SSC5D: variants seen among roughly 807,000 people sequenced by gnomAD.
The protein encoded by SSC5D is scavenger receptor cysteine rich family member with 5 domains.
A neutral mutation model predicts 104.6 loss-of-function variants in SSC5D; 106 were observed. The observed-to-expected ratio is 1.01, with a 90% confidence interval of 0.87 to 1.19. The LOEUF (loss-of-function observed/expected upper bound fraction) is 1.19. Ranked by LOEUF, SSC5D falls within the 50% of genes most tolerant of loss-of-function variation. The pLI is 0.00. For missense variants in SSC5D, 1,993 were observed against 2,153.8 expected (o/e 0.93, Z 1.48); for synonymous variants, 860 against 883.5 (o/e 0.97, Z 0.47).
intron 8 of SSC5D, among the ~76,000 whole-genome samples, chr19:55,497,540 T>C (rs2123439443): frequency 6.6e-6 from 1 of 152,348 alleles, no homozygotes; most frequent in Middle Eastern, 3.4e-3. Flanking sequence ...ATGGTGCTGC[T>C]ATGAACATTC....
In SSC5D at chr19:55,518,559, CA is replaced by C; in HGVS notation, c.4284del (p.His1429ThrfsTer31). 1 of 1,548,274 alleles carries C rather than the reference CA, an allele frequency of 6.5e-7. No individual in the cohort carries two copies. The highest frequency in any genetic ancestry group is 8.7e-7 in the Non-Finnish European group (1 of 1,145,364). ...CTAACCCCTCCACCCACCCATACCCCACACTCAGCCTCTGACCTTACTGTGT... is the reference window on the plus strand; with the variant it reads ...CTAACCCCTCCACCCACCCATACCCCCACTCAGCCTCTGACCTTACTGTGT... Reference protein sequence around the residue: ...PNLTPPPTHTPHSASDLTVSP... With the variant: ...PNLTPPPTHTXHSASDLTVSP... On this transcript the variant is annotated frameshift_variant, in exon 14 of 14. Transcript: ENST00000389623. LOFTEE classifies it low-confidence loss of function (END_TRUNC).
rs1987426923 is a variant in SSC5D, at chr19:55,499,908, C to G, written c.1798C>G (p.Leu600Val). 6.4e-7 allele frequency: 1 copy of G among 1,551,656 alleles called. No individual in the cohort carries two copies. Among genetic ancestry groups the G allele is most frequent in the South Asian group, 1.2e-5 (1 of 84,052 alleles). ...TCGGGATGCCTGGCTCCCGGGAGAG[C>G]TGGCCACCAAGCCCTCTGCAAGTGT... Reference protein sequence around the residue: ...RDRDAWLPGELATKPSASVTA... With the variant: ...RDRDAWLPGEVATKPSASVTA... The change falls in exon 10 of 14, where the codon CTG becomes GTG. Residue 600 changes from leucine (L) to valine (V), a missense_variant. By Grantham distance (32) the Leu-to-Val change is conservative. This residue lies in a region of SSC5D where 1,101 missense variants were observed against 1,085.0 expected (regional missense o/e 1.01). Transcript: ENST00000389623.
rs932891920 is a variant in SSC5D, at chr19:55,489,246, T to C, written c.53-108T>C. 3.1e-6 allele frequency: 4 copies of C among 1,280,760 alleles called. No homozygotes were observed. In the African/African-American group the frequency reaches 4.8e-5, roughly 15 times the overall value. 79.3% of individuals were successfully genotyped at this position (1,280,760 alleles called of 1,614,324 possible). A position where few individuals can be genotyped will look rare whatever the true frequency, so the allele number is the denominator to read the frequency against. Reference sequence around the variant, plus strand: ...CCCAGGGGCCAGTGAGCAGGGCCACTGGCCTACAGACAGTACCTGCAGGAC... The same window carrying C: ...CCCAGGGGCCAGTGAGCAGGGCCACCGGCCTACAGACAGTACCTGCAGGAC... On this transcript the variant is annotated intron_variant, in intron 2 of 13. Transcript: ENST00000389623.
chr19:55,495,084 GGTGTGGCT>G (rs1987276647), intron 8 of SSC5D, among the ~76,000 whole-genome samples: 1 of 151,112 alleles, frequency 6.6e-6, no homozygotes, highest in Non-Finnish European at 1.5e-5. Flanking sequence ...CAAGCTGCAC[GGTGTGGCT>G]GTAGGATCCA....
At chr19:55,490,170 G>A (rs577390751) in intron 4 of SSC5D, 128 bp from the exon 5 acceptor site, 136 of 546,402 alleles carry the variant, frequency 2.5e-4, no homozygotes, top group African/African-American at 2.4e-3. Flanking sequence ...CCCCTGCCCC[G>A]CCCCGTCTCC....
intron 12 of SSC5D, among the ~76,000 whole-genome samples, chr19:55,502,439 A>G (rs1219750356): frequency 2.0e-5 from 3 of 149,494 alleles, no homozygotes; most frequent in Admixed American, 6.7e-5. Context: ...CCCTCATTAC[A>G]TCTATTTCTC....
intron 9 of SSC5D, among the ~76,000 whole-genome samples, chr19:55,499,612 G>A (rs1029181088): frequency 2.6e-5 from 4 of 152,190 alleles, no homozygotes; most frequent in Admixed American, 6.5e-5. Flanking sequence ...GGGCAGTGTC[G>A]GGTTTGGCTT....
Position 55,491,001 on chromosome 19 carries a change from G to A in SSC5D, c.816G>A (p.Gln272=), listed in dbSNP as rs1987128313. The A allele has an allele frequency of 6.5e-7, 1 of 1,549,732 alleles. No homozygotes were observed. Among genetic ancestry groups the A allele is most frequent in the Non-Finnish European group, 8.7e-7 (1 of 1,146,554 alleles). The change falls in exon 6 of 14, where the codon CAG becomes CAA. Residue 272 remains glutamine, a synonymous_variant. Coordinates refer to ENST00000389623, the MANE Select transcript of SSC5D (RefSeq NM_001144950.2). The stretch of plus-strand genomic sequence containing the variant: ...ATGTGGGGTGTGGAGGAGGAGAACA[G>A]GCCCTCCGAGACTGCCCCCGAAGCC... ...MDDVGCGGGE[Q]ALRDCPRSPW...
Position 55,518,966 on chromosome 19 carries a change from G to A in SSC5D, c.4690G>A (p.Glu1564Lys), listed in dbSNP as rs866895487. ...MPAPTTTTPE[E>K]EERPLRGDV The stretch of plus-strand genomic sequence containing the variant: ...TGCACCAACCACCACTACCCCAGAG[G>A]AAGAAGAAAGACCCCTGAGGGGAGA... The change falls in exon 14 of 14, where the codon GAA becomes AAA. Residue 1564 changes from glutamate to lysine, a missense_variant. Around this residue, in one of 6 missense-constraint regions of SSC5D, gnomAD observed 349 missense variants for 397.6 expected, o/e 0.88. Transcript: ENST00000389623. 6.5e-7 allele frequency: 1 copy of A among 1,550,262 alleles called. No individual in the cohort carries two copies. The highest frequency in any genetic ancestry group is 2.0e-5 in the Admixed American group (1 of 50,960).
At chr19:55,516,441 G>A (rs1987872411) in intron 13 of SSC5D, among the ~76,000 whole-genome samples, 1 of 151,664 alleles carries the variant, frequency 6.6e-6, no homozygotes, top group Admixed American at 6.6e-5. Context: ...AGCTTGCAGT[G>A]AGCCGAGATC....
At position 55,517,907 on chromosome 19, in the gene SSC5D, C is replaced by T. The variant is rs1007007356; in HGVS notation, c.3631C>T (p.His1211Tyr). The T allele has an allele frequency of 6.5e-7, 1 of 1,541,226 alleles. No individual in the cohort carries two copies. The highest frequency in any genetic ancestry group is 1.2e-5 in the South Asian group (1 of 83,380). Residue 1211 changes from histidine (H) to tyrosine (Y), a missense_variant, in exon 14 of 14, where the codon CAC becomes TAC. Physicochemically the swap from His to Tyr is moderately conservative, Grantham distance 83. Coordinates refer to ENST00000389623, the MANE Select transcript of SSC5D (RefSeq NM_001144950.2). ...CCCTCAACCCTTCACCACCATCACT[C>T]ACTCCACCATGATTCCTGACCCCAC... ...TTPQPFTTITHSTMIPDPTTT... is the reference protein window; with the variant it reads ...TTPQPFTTITYSTMIPDPTTT...
At chr19:55,494,817 T>G in intron 8 of SSC5D, 34 bp downstream of exon 8, 2 of 1,504,604 alleles carry the variant, frequency 1.3e-6, no homozygotes, top group Non-Finnish European at 1.8e-6. Context: ...GAAAACAGGG[T>G]CCTTCCTTCT....
intron 12 of SSC5D, among the ~76,000 whole-genome samples, chr19:55,510,163 A>G (rs1170790338): frequency 6.6e-6 from 1 of 151,918 alleles, no homozygotes; most frequent in Non-Finnish European, 1.5e-5. Context: ...ACACCTGGCT[A>G]ATTTTTGTAA....
chr19:55,499,760 A>C (rs751024587), intron 9 of SSC5D, 56 bp from the exon 10 acceptor site: 9 of 1,393,466 alleles, frequency 6.5e-6, no homozygotes, highest in Non-Finnish European at 8.8e-6. Flanking sequence ...GCCTGGGTAG[A>C]TGATCTTGTC....
At chr19:55,499,159 G>GA (rs905339103) in intron 9 of SSC5D, among the ~76,000 whole-genome samples, 1 of 152,156 alleles carries the variant, frequency 6.6e-6, no homozygotes, top group Non-Finnish European at 1.5e-5. Flanking sequence ...GTGCCCCAGG[G>GA]AAAAAAATCT....
chr19:55,495,548 G>C (rs1255996338), intron 8 of SSC5D, among the ~76,000 whole-genome samples: 1 of 150,566 alleles, frequency 6.6e-6, no homozygotes, highest in Non-Finnish European at 1.5e-5. Flanking sequence ...CATGAGTATT[G>C]AAAGGACTGT....
chr19:55,496,959 C>T (rs753102382), intron 8 of SSC5D, among the ~76,000 whole-genome samples: 11 of 152,166 alleles, frequency 7.2e-5, no homozygotes, highest in Non-Finnish European at 1.5e-5. Flanking sequence ...AGAGTTTCTC[C>T]ACGTTGGCCA....
In SSC5D at chr19:55,490,838, G is replaced by C. The variant is rs548778172; in HGVS notation, c.653G>C (p.Arg218Pro). ...AGRLEVWHGG[R>P]WGTVCDDGWD... is the part of the protein sequence containing the mutation. ...CGCCTGGAGGTCTGGCACGGCGGGCGCTGGGGCACCGTATGTGACGATGGC... is the reference window on the plus strand; with the variant it reads ...CGCCTGGAGGTCTGGCACGGCGGGCCCTGGGGCACCGTATGTGACGATGGC... Residue 218 changes from arginine to proline, a missense_variant, in exon 6 of 14, where the codon CGC becomes CCC. This residue lies in a region of SSC5D where 1,101 missense variants were observed against 1,085.0 expected (regional missense o/e 1.01). Transcript: ENST00000389623. 2 of 1,547,220 alleles carry C rather than the reference G, an allele frequency of 1.3e-6. No homozygotes were observed.
Position 55,518,304 on chromosome 19 carries a change from C to A in SSC5D, c.4028C>A (p.Thr1343Asn). 6.4e-7 allele frequency: 1 copy of A among 1,551,372 alleles called. No individual in the cohort carries two copies. Among genetic ancestry groups the A allele is most frequent in the Non-Finnish European group, 8.7e-7 (1 of 1,146,920 alleles). The change falls in exon 14 of 14, where the codon ACC (threonine) becomes AAC (asparagine). Residue 1343 changes from threonine (T) to asparagine (N), a missense_variant. Thr to Asn is a moderately conservative substitution (Grantham distance 65). Coordinates refer to ENST00000389623, the MANE Select transcript of SSC5D (RefSeq NM_001144950.2). ...GTCATCACTACTGTGTCCCTTCCAA[C>A]CTCCTTGGGGACAGAACTCTCCTCT... Reference protein sequence around the residue: ...TPVITTVSLPTSLGTELSSPT... With the variant: ...TPVITTVSLPNSLGTELSSPT...
Sources: allele counts gnomAD v4.1 joint callset (sites outside exome capture counted in the v4.1 genomes callset), GRCh38; gene constraint gnomAD v4.1.1; regional missense constraint gnomAD v4.1.1; transcripts MANE v1.5; gene names NCBI Gene and HGNC (gene_info 2026-07-23, HGNC 2026-07-21).